Variants in ELAVL2 observed in about 807,000 individuals in gnomAD.
ELAVL2 encodes the protein ELAV like RNA binding protein 2.
In ELAVL2, 4 loss-of-function variants were observed where a neutral mutation model predicts 34.6. That is an observed-to-expected ratio of 0.12 (90% CI 0.06 to 0.26). The LOEUF (loss-of-function observed/expected upper bound fraction) is 0.26, where lower values mean the gene tolerates loss of function less well. Among genes scored for constraint, ELAVL2 ranks in the 10% least tolerant of loss-of-function variants. The probability of loss-of-function intolerance (pLI) is 1.00; values close to 1 mark genes in which losing one functional copy is unlikely to be tolerated. For missense variants in ELAVL2, 432 were observed against 442.8 expected (o/e 0.98, Z 0.22); for synonymous variants, 193 against 154.8 (o/e 1.25, Z -1.83).
At chr9:23,702,952 A>AAC (rs1491385012) in intron 4 of ELAVL2, among the ~76,000 whole-genome samples, 1 of 30,452 alleles carries the variant, frequency 3.3e-5, no homozygotes, top group Non-Finnish European at 5.7e-5. Flanking sequence ...TCAGATTAGC[A>AAC]AAAAAAAAAA....
intron 1 of ELAVL2, among the ~76,000 whole-genome samples, chr9:23,769,016 T>C (rs1235204702): frequency 6.6e-6 from 1 of 151,812 alleles, no homozygotes. Context: ...AGAGTGAACT[T>C]GGTCTCTACA....
At chr9:23,834,405 C>T in the ELAVL2 span, among the ~76,000 whole-genome samples, 476 of 152,028 alleles carry the variant, frequency 3.1e-3, 1 homozygote, top group Non-Finnish European at 3.8e-3. Context: ...CCTGATTTCA[C>T]GGGTCCTTGG....
chr9:23,832,833 T>TA, the ELAVL2 span, among the ~76,000 whole-genome samples: 1 of 152,006 alleles, frequency 6.6e-6, no homozygotes, highest in Non-Finnish European at 1.5e-5. Flanking sequence ...TAAGCAAAAA[T>TA]AAAAAATGAA....
intron 1 of ELAVL2, among the ~76,000 whole-genome samples, chr9:23,819,492 A>G (rs922926021): frequency 2.6e-5 from 4 of 152,186 alleles, no homozygotes; most frequent in East Asian, 1.9e-4. Flanking sequence ...AGCATATCCT[A>G]TAACTAAAAT....
intron 1 of ELAVL2, among the ~76,000 whole-genome samples, chr9:23,815,034 A>G (rs1588770229): frequency 6.6e-6 from 1 of 152,186 alleles, no homozygotes; most frequent in Non-Finnish European, 1.5e-5. Flanking sequence ...GCATCCATCA[A>G]TGATGTTCAC....
intron 1 of ELAVL2, among the ~76,000 whole-genome samples, chr9:23,762,455 A>G (rs1336856807): frequency 1.4e-4 from 22 of 152,130 alleles, no homozygotes; most frequent in Non-Finnish European, 1.5e-5. Context: ...TTTCACATAC[A>G]TATTCCATAC....
At chr9:23,823,078 C>A (rs1030836321) in intron 1 of ELAVL2, among the ~76,000 whole-genome samples, 4 of 152,172 alleles carry the variant, frequency 2.6e-5, no homozygotes, top group African/African-American at 9.7e-5. Context: ...TTTGTGCGAC[C>A]CAGTCTGGGG....
intron 1 of ELAVL2, among the ~76,000 whole-genome samples, chr9:23,796,590 C>T (rs1387442896): frequency 1.3e-5 from 2 of 152,238 alleles, no homozygotes; most frequent in Non-Finnish European, 2.9e-5. Context: ...TCCAAAGATG[C>T]ATGACTTGCC....
chr9:23,693,310 G>A (rs565223528), intron 6 of ELAVL2, 138 bp downstream of exon 6: 3 of 1,057,646 alleles, frequency 2.8e-6, no homozygotes, highest in East Asian at 2.4e-5. Context: ...GTGCTTCAAA[G>A]AGCAGCTTTT....
intron 2 of ELAVL2, chr9:23,735,628 T>C (rs1377770107): frequency 1.3e-5 from 2 of 152,232 alleles, no homozygotes; most frequent in African/African-American, 4.8e-5. Context: ...ACTTTTGCTA[T>C]ATTCTGTGCT....
At chr9:23,766,049 G>A (rs1468949737) in intron 1 of ELAVL2, among the ~76,000 whole-genome samples, 1 of 152,054 alleles carries the variant, frequency 6.6e-6, no homozygotes, top group Non-Finnish European at 1.5e-5. Flanking sequence ...TCTAAAAATA[G>A]ACAGTGAATA....
intron 4 of ELAVL2, among the ~76,000 whole-genome samples, chr9:23,703,058 C>A (rs1485434588): frequency 6.7e-6 from 1 of 148,640 alleles, no homozygotes; most frequent in African/African-American, 2.5e-5. Flanking sequence ...CTGTGGCTCA[C>A]CCTCAGAGAT....
At chr9:23,731,382 C>T in intron 2 of ELAVL2, among the ~76,000 whole-genome samples, 1 of 151,936 alleles carries the variant, frequency 6.6e-6, no homozygotes, top group East Asian at 1.9e-4. Context: ...ACCATCCATG[C>T]CCTGCCTGAG....
chr9:23,747,748 G>C (rs567787286), intron 2 of ELAVL2, among the ~76,000 whole-genome samples: 3 of 152,078 alleles, frequency 2.0e-5, no homozygotes, highest in Non-Finnish European at 4.4e-5. Context: ...TACAACCCAG[G>C]GGAGGCTTTC....
chr9:23,823,159 G>T (rs1291032239), intron 1 of ELAVL2, among the ~76,000 whole-genome samples: 2 of 152,206 alleles, frequency 1.3e-5, no homozygotes, highest in Non-Finnish European at 2.9e-5. Context: ...GCAATTAAAT[G>T]ACCTTAATTG....
intron 3 of ELAVL2, among the ~76,000 whole-genome samples, chr9:23,707,287 G>T (rs2133455002): frequency 6.6e-6 from 1 of 152,314 alleles, no homozygotes; most frequent in Middle Eastern, 3.4e-3. Flanking sequence ...ATGAATCAAT[G>T]AAAACTTAAT....
chr9:23,762,351 T>C (rs2055229364), intron 1 of ELAVL2, 102 bp from the exon 2 acceptor site: 6 of 1,446,904 alleles, frequency 4.1e-6, no homozygotes, highest in Non-Finnish European at 5.6e-6. Context: ...CAAGTCGTTC[T>C]AATGAAATTA....
In ELAVL2 at chr9:23,692,979, A is replaced by G. The variant is rs139163003; in HGVS notation, c.753-95T>C. The G allele has an allele frequency of 1.3e-4, 143 of 1,139,482 alleles. No homozygotes were observed. In the African/African-American group the frequency reaches 2.0e-3, roughly 16 times the overall value. The allele number at this position is 1,139,482 out of a possible 1,614,324, so 70.6% of individuals were successfully genotyped here. ...ACGTATACCTTTTCCATCCCCAAGA[A>G]TTTTAGTAACTCTCCTCCCCCAACA... On this transcript the variant is annotated intron_variant, in intron 6 of 6. Transcript: ENST00000397312.
chr9:23,706,590 T>A (rs1021227237), intron 3 of ELAVL2, among the ~76,000 whole-genome samples: 4 of 152,218 alleles, frequency 2.6e-5, no homozygotes, highest in African/African-American at 9.6e-5. Flanking sequence ...TGGACTAGCC[T>A]ACTTCAAGGG....
Sources: allele counts gnomAD v4.1 joint callset (sites outside exome capture counted in the v4.1 genomes callset), GRCh38; gene constraint gnomAD v4.1.1; transcripts MANE v1.5; gene names NCBI Gene and HGNC (gene_info 2026-07-23, HGNC 2026-07-21).